The following CEP76 variants were observed in gnomAD, a reference collection of about 807,000 sequenced individuals.
The protein encoded by CEP76 is centrosomal protein of 76 kDa.
CEP76 carries 55 observed loss-of-function variants against 83.3 expected under a neutral mutation model. The ratio of observed to expected loss-of-function variants is 0.66; its 90% CI spans 0.53 to 0.83. CEP76 has a LOEUF of 0.83. Ranked by LOEUF, CEP76 falls within the 40% of genes least tolerant of loss-of-function variation. The pLI, the probability that CEP76 is intolerant of heterozygous loss-of-function variation, is 0.00. For synonymous variants in CEP76, 270 were observed against 274.5 expected (o/e 0.98, Z 0.16); for missense variants, 694 against 799.5 (o/e 0.87, Z 1.59).
At chr18:12,691,181 G>A in intron 7 of CEP76, 178 bp downstream of exon 7, 1 of 436,446 alleles carries the variant, frequency 2.3e-6, no homozygotes, top group African/African-American at 2.0e-5. Context: ...ATAAGACATA[G>A]ATTGATCTTG....
intron 1 of CEP76, 127 bp from the exon 2 acceptor site, chr18:12,701,240 T>A (rs2040139657): frequency 6.1e-6 from 4 of 658,158 alleles, no homozygotes; most frequent in Non-Finnish European, 1.0e-5. Flanking sequence ...GGAACAAAGG[T>A]AAGCTTTTAA....
Position 12,697,242 on chromosome 18 carries a change from A to C in CEP76, c.687T>G (p.Thr229=). 1 of 1,613,382 alleles carries C rather than the reference A, an allele frequency of 6.2e-7. No individual in the cohort carries two copies. The highest frequency in any genetic ancestry group is 2.2e-5 in the East Asian group (1 of 44,848). Residue 229 remains threonine (T), a synonymous_variant, in exon 5 of 12, where the codon ACT becomes ACG. Coordinates refer to ENST00000262127, the MANE Select transcript of CEP76 (RefSeq NM_024899.4). The part of the protein sequence containing the change: ...LGSENGVTSL[T]VELMGVGTES... ...CCATACCTACACCCATAAGTTCCAC[A>C]GTCAGACTGGTCACTCCATTTTCTG...
intron 8 of CEP76, among the ~76,000 whole-genome samples, chr18:12,682,874 G>A (rs1445945591): frequency 4.7e-5 from 7 of 149,808 alleles, no homozygotes; most frequent in South Asian, 4.3e-4. Flanking sequence ...CACCCACCTC[G>A]GCCTCCCAAA....
chr18:12,694,115 G>C (rs2039865920), intron 6 of CEP76, among the ~76,000 whole-genome samples: 1 of 152,142 alleles, frequency 6.6e-6, no homozygotes, highest in Non-Finnish European at 1.5e-5. Context: ...GTATTTATTT[G>C]AGTAACATCA....
rs1235232225 is a variant in CEP76, at chr18:12,702,635, C to A, written c.-87G>T. 60 of 1,435,480 alleles carry A rather than the reference C, an allele frequency of 4.2e-5. No homozygotes were observed. The highest frequency in any genetic ancestry group is 5.2e-5 in the Non-Finnish European group (56 of 1,070,274). 88.9% of individuals were successfully genotyped at this position (1,435,480 alleles called of 1,614,324 possible). On this transcript the variant is annotated 5_prime_UTR_variant, in exon 1 of 12. Coordinates refer to ENST00000262127, the MANE Select transcript of CEP76 (RefSeq NM_024899.4). The stretch of plus-strand genomic sequence containing the variant: ...CGGCCGGGCCAGGGAGCGTTAGGAG[C>A]GACTGGAGCACAAAGCGCCGCAGCC...
intron 4 of CEP76, chr18:12,698,752 G>C (rs1056849603): frequency 1.9e-6 from 1 of 539,032 alleles, no homozygotes; most frequent in East Asian, 3.0e-5. Flanking sequence ...TATTACTAAA[G>C]AATCAACAAT....
intron 12 of CEP76, among the ~76,000 whole-genome samples, chr18:12,667,395 T>C (rs550178001): frequency 6.6e-6 from 1 of 152,178 alleles, no homozygotes; most frequent in East Asian, 1.9e-4. Flanking sequence ...TGTTCAAGGC[T>C]GCAGTGAGCT....
intron 5 of CEP76, 90 bp from the exon 6 acceptor site, chr18:12,695,441 G>T: frequency 5.9e-6 from 3 of 508,016 alleles, no homozygotes; most frequent in Non-Finnish European, 3.5e-6. Flanking sequence ...TAGGCACTTG[G>T]GTGTTTTATC....
chr18:12,702,621 G>C lies in CEP76; in HGVS notation c.-73C>G, dbSNP rs890934251. 3.3e-6 allele frequency: 5 copies of C among 1,507,852 alleles called. No individual in the cohort carries two copies. The highest frequency in any genetic ancestry group is 1.2e-5 in the South Asian group (1 of 82,946). 93.4% of individuals were successfully genotyped at this position (1,507,852 alleles called of 1,614,324 possible). A position where few individuals can be genotyped will look rare whatever the true frequency, so the allele number is the denominator to read the frequency against. On this transcript the variant is annotated 5_prime_UTR_variant, in exon 1 of 12. Coordinates refer to ENST00000262127, the MANE Select transcript of CEP76 (RefSeq NM_024899.4). ...TAACTGCGCGGCCCCGGCCGGGCCA[G>C]GGAGCGTTAGGAGCGACTGGAGCAC...
rs554133767 is a variant in CEP76, at chr18:12,695,019, T to A, written c.804+235A>T. Reference sequence around the variant, plus strand: ...CGTGAGCCACCGGCCTATCCTGTAATTCTTATGCTGTCTCAATAAATGTTC... The same window carrying A: ...CGTGAGCCACCGGCCTATCCTGTAAATCTTATGCTGTCTCAATAAATGTTC... On this transcript the variant is annotated intron_variant, in intron 6 of 11. Transcript: ENST00000262127. Among the ~76,000 whole-genome samples, 4 of 152,274 alleles carry A rather than the reference T, an allele frequency of 2.6e-5. No individual in the cohort carries two copies. The East Asian group carries it at 7.7e-4, about 29-fold the overall frequency.
chr18:12,670,344 AAAG>A (rs71174123), downstream of CEP76: 13,550 of 152,194 alleles, frequency 0.089, 835 homozygotes, highest in Non-Finnish European at 0.13. Flanking sequence ...AAAAAAGAAA[AAAG>A]AATAGCAGAC....
chr18:12,696,333 T>C (rs891043562), intron 5 of CEP76, among the ~76,000 whole-genome samples: 3 of 152,002 alleles, frequency 2.0e-5, no homozygotes, highest in African/African-American at 4.8e-5. Context: ...TGAAACCCCA[T>C]CTCTACTAAA....
Position 12,678,185 on chromosome 18 carries a change from GCA to G in CEP76, c.1545_1546del (p.Ala516IlefsTer4). The G allele has an allele frequency of 6.2e-7, 1 of 1,614,164 alleles. No individual in the cohort carries two copies. Among genetic ancestry groups the G allele is most frequent in the Non-Finnish European group, 8.5e-7 (1 of 1,180,000 alleles). ...TGTTACTGACGCGTCAATTGTGGAT[GCA>G]CACAGAGGTGGAAAGGGAGGAAGGG... On this transcript the variant is annotated frameshift_variant, in exon 10 of 12. Coordinates refer to ENST00000262127, the MANE Select transcript of CEP76 (RefSeq NM_024899.4). LOFTEE classifies it high-confidence loss of function.
intron 11 of CEP76, among the ~76,000 whole-genome samples, chr18:12,673,737 C>A (rs1045824527): frequency 2.0e-5 from 3 of 151,866 alleles, no homozygotes; most frequent in Non-Finnish European, 2.9e-5. Context: ...AAAAATTAGC[C>A]GCGTGTGGTG....
exon 13 of CEP76, chr18:12,662,167 C>G (rs2038704484): frequency 2.2e-6 from 1 of 448,564 alleles, no homozygotes; most frequent in African/African-American, 2.0e-5. Flanking sequence ...GAGGCACATT[C>G]ACCTAGAAAA....
rs368863361 is a variant in CEP76 at position 12,673,481 on chromosome 18, T to C, written c.1864A>G (p.Ile622Val). 35 of 1,583,160 alleles carry C rather than the reference T, an allele frequency of 2.2e-5. No homozygotes were observed. Among genetic ancestry groups the C allele is most frequent in the African/African-American group, 2.8e-5 (2 of 72,354 alleles). The change falls in exon 12 of 12, where the codon ATC (isoleucine) becomes GTC (valine). Residue 622 changes from isoleucine (I) to valine (V), a missense_variant. Physicochemically the swap from Ile to Val is conservative, Grantham distance 29. Transcript: ENST00000262127. ...CGCACTTGGTCTCCACGGCAACAGA[T>C]TATTTCTTCACAGAAAGGAGATCTA... ...CLRSPFCEEI[I>V]CCRGDQVRLA...
chr18:12,665,706 A>AT (rs1051414189), intron 12 of CEP76, among the ~76,000 whole-genome samples: 3 of 151,788 alleles, frequency 2.0e-5, no homozygotes, highest in African/African-American at 7.3e-5. Flanking sequence ...TTTTTTTTTA[A>AT]TTTTTTTTGA....
chr18:12,678,170 G>C lies in CEP76; in HGVS notation c.1562C>G (p.Ala521Gly), dbSNP rs764882115. ...TTCAATTTCATTACTTGTTACTGAC[G>C]CGTCAATTGTGGATGCACACAGAGG... ...FPPLCASTID[A>G]SVTSNEIEMQ... The change falls in exon 10 of 12, where the codon GCG becomes GGG. Residue 521 changes from alanine to glycine, a missense_variant. Coordinates refer to ENST00000262127, the MANE Select transcript of CEP76 (RefSeq NM_024899.4). The C allele has an allele frequency of 1.2e-6, 2 of 1,613,944 alleles. No individual in the cohort carries two copies. Among genetic ancestry groups the C allele is most frequent in the South Asian group, 1.1e-5 (1 of 91,076 alleles).
chr18:12,689,875 C>T (rs760260115), intron 7 of CEP76, among the ~76,000 whole-genome samples: 3 of 152,146 alleles, frequency 2.0e-5, no homozygotes, highest in Non-Finnish European at 4.4e-5. Context: ...CTGCAACCTC[C>T]GCCTCCCGGG....
Sources: gnomAD v4.1 joint callset for allele counts (sites outside exome capture counted in the v4.1 genomes callset) on GRCh38, gnomAD v4.1.1 for gene constraint, MANE v1.5 for transcripts, NCBI Gene and HGNC (gene_info 2026-07-23, HGNC 2026-07-21) for gene names.